The following KHDRBS1 variants were observed in gnomAD, a reference collection of about 807,000 sequenced individuals.
The protein encoded by KHDRBS1 is KH domain-containing, RNA-binding, signal transduction-associated protein 1.
KHDRBS1 carries 7 observed loss-of-function variants against 48.4 expected under a neutral mutation model. The observed-to-expected ratio is 0.14, with a 90% CI of 0.08 to 0.27. The LOEUF is 0.27. Ranked by LOEUF, KHDRBS1 falls within the 10% of genes least tolerant of loss-of-function variation. KHDRBS1 has a pLI of 1.00. For missense variants in KHDRBS1, 458 were observed against 601.2 expected, an observed-to-expected ratio of 0.76 and a Z score of 2.49; for synonymous variants, 241 against 235.8, an observed-to-expected ratio of 1.02 and a Z score of -0.20.
intron 10 of KHDRBS1, among the ~76,000 whole-genome samples, chr1:32,059,119 C>T (rs1639513998): frequency 6.7e-6 from 1 of 149,884 alleles, no homozygotes; most frequent in Non-Finnish European, 1.5e-5. Context: ...TAAGATTATG[C>T]CCCTGCACTC....
At chr1:32,056,585 A>C (rs559472948) in intron 10 of KHDRBS1, among the ~76,000 whole-genome samples, 1 of 152,290 alleles carries the variant, frequency 6.6e-6, no homozygotes, top group South Asian at 2.1e-4. Context: ...TACAGAGCTA[A>C]TTATTCCCAG....
downstream of KHDRBS1, among the ~76,000 whole-genome samples, chr1:32,046,473 C>G (rs1196150799): frequency 1.3e-5 from 2 of 152,134 alleles, no homozygotes; most frequent in Non-Finnish European, 2.9e-5. Context: ...CCTTGGCCTC[C>G]CAAAGTGCTG....
intron 4 of KHDRBS1, among the ~76,000 whole-genome samples, chr1:32,034,645 G>A (rs770849748): frequency 2.6e-5 from 4 of 151,908 alleles, no homozygotes; most frequent in Admixed American, 6.6e-5. Context: ...AAATGTCTTA[G>A]CAGCTGCTTT....
chr1:32,033,193 A>C lies in KHDRBS1; in HGVS notation c.630A>C (p.Glu210Asp). 1 of 1,613,296 alleles carries C rather than the reference A, an allele frequency of 6.2e-7. No homozygotes were observed. Among genetic ancestry groups the C allele is most frequent in the African/African-American group, 1.3e-5 (1 of 75,022 alleles). ...KGSMRDKAKEEELRKGGDPKY... is the reference protein window; with the variant it reads ...KGSMRDKAKEDELRKGGDPKY... ...TTCTCTGCATTTTTCCATAGGAGGA[A>C]GAGCTGCGCAAAGGTGGAGACCCCA... The change falls in exon 4 of 9, where the codon GAA becomes GAC. Residue 210 changes from glutamate (E) to aspartate (D), a missense_variant. Coordinates refer to ENST00000327300, the MANE Select transcript of KHDRBS1 (RefSeq NM_006559.3).
Position 32,014,334 on chromosome 1 carries a change from G to C in KHDRBS1, c.339G>C (p.Ser113=), listed in dbSNP as rs749069575. The C allele has an allele frequency of 1.4e-5, 22 of 1,542,078 alleles. No homozygotes were observed. In the South Asian group the frequency reaches 2.5e-4, roughly 18 times the overall value. Residue 113 remains serine (S), a synonymous_variant, in exon 1 of 9, where the codon TCG becomes TCC. Transcript: ENST00000327300. ...YLPELMAEKD[S]LDPSFTHAMQ... ...CCGAACTCATGGCCGAGAAGGACTC[G>C]CTCGACCCGTCCTTCACTCACGCCA...
Position 32,036,989 on chromosome 1 carries a change from G to A in KHDRBS1, c.851G>A (p.Arg284His), listed in dbSNP as rs375097901. ...GGAGTACCTGAACCCTCTCGTGGAC[G>A]TGGGGTGCCAGTGAGAGGCCGGGGA... ...LNGVPEPSRG[R>H]GVPVRGRGAA... The change falls in exon 5 of 9, where the codon CGT becomes CAT. Residue 284 changes from arginine (R) to histidine (H), a missense_variant. Physicochemically the swap from Arg to His is conservative, Grantham distance 29. Coordinates refer to ENST00000327300, the MANE Select transcript of KHDRBS1 (RefSeq NM_006559.3). 9.3e-6 allele frequency: 15 copies of A among 1,613,960 alleles called. No individual in the cohort carries two copies. The highest frequency in any genetic ancestry group is 6.7e-5 in the African/African-American group (5 of 74,906).
At chr1:32,041,260 A>G (rs192198775) in intron 8 of KHDRBS1, among the ~76,000 whole-genome samples, 48 of 152,284 alleles carry the variant, frequency 3.2e-4, no homozygotes, top group African/African-American at 1.1e-3. Context: ...AGTGATGGAC[A>G]TGTGTGTTAT....
intron 1 of KHDRBS1, among the ~76,000 whole-genome samples, chr1:32,018,846 G>A (rs905687075): frequency 2.0e-5 from 3 of 152,164 alleles, no homozygotes; most frequent in Admixed American, 2.0e-4. Context: ...CAAGGCAGTC[G>A]GATCACTTGA....
Position 32,037,958 on chromosome 1 carries a change from A to G in KHDRBS1, c.1029A>G (p.Pro343=), listed in dbSNP as rs1639215910. The G allele has an allele frequency of 6.2e-7, 1 of 1,614,150 alleles. No individual in the cohort carries two copies. Among genetic ancestry groups the G allele is most frequent in the South Asian group, 1.1e-5 (1 of 91,094 alleles). Residue 343 remains proline, a synonymous_variant, in exon 6 of 9, where the codon CCA becomes CCG. Transcript: ENST00000327300. The stretch of plus-strand genomic sequence containing the variant: ...CCCCACCTACTGTGAGGGGTGCTCC[A>G]GCACCAAGAGCACGGACAGCGGGCA... ...VPPPPTVRGA[P]APRARTAGIQ...
intron 1 of KHDRBS1, among the ~76,000 whole-genome samples, chr1:32,015,868 G>A (rs1638729829): frequency 6.6e-6 from 1 of 152,178 alleles, no homozygotes; most frequent in South Asian, 2.1e-4. Flanking sequence ...TAGAATAGTA[G>A]TATTTAAGCT....
At chr1:32,016,635 G>C (rs1043560469) in intron 1 of KHDRBS1, among the ~76,000 whole-genome samples, 1 of 152,056 alleles carries the variant, frequency 6.6e-6, no homozygotes, top group Non-Finnish European at 1.5e-5. Context: ...GCTCCTCCAG[G>C]CACCTTTGAC....
downstream of KHDRBS1, among the ~76,000 whole-genome samples, chr1:32,044,624 C>T (rs564727310): frequency 6.6e-6 from 1 of 151,892 alleles, no homozygotes; most frequent in Non-Finnish European, 1.5e-5. Flanking sequence ...TTTTAAAACA[C>T]ACCAACAAAA....
At chr1:32,039,385 G>A in intron 7 of KHDRBS1, 130 bp from the exon 8 acceptor site, 1 of 670,412 alleles carries the variant, frequency 1.5e-6, no homozygotes, top group Non-Finnish European at 2.7e-6. Context: ...TTACGGTTTA[G>A]GGATGGGGCA....
chr1:32,038,046 T>G lies in KHDRBS1; in HGVS notation c.1107+10T>G, dbSNP rs1639218199. The G allele has an allele frequency of 1.2e-6, 2 of 1,613,258 alleles. No homozygotes were observed. Among genetic ancestry groups the G allele is most frequent in the South Asian group, 1.1e-5 (1 of 91,088 alleles). On this transcript the variant is annotated intron_variant, in intron 6 of 8. Coordinates refer to ENST00000327300, the MANE Select transcript of KHDRBS1 (RefSeq NM_006559.3). ...AACATATGAAGAATATGTAAGAAAT[T>G]TGAACAATGTGCCATTTCCCAGTAC...
At chr1:32,056,794 C>G (rs1275025650) in intron 10 of KHDRBS1, among the ~76,000 whole-genome samples, 1 of 152,192 alleles carries the variant, frequency 6.6e-6, no homozygotes, top group Non-Finnish European at 1.5e-5. Flanking sequence ...GTACAAATGT[C>G]TCCTTTCATT....
chr1:32,014,447 C>T (rs1638693897), intron 1 of KHDRBS1, 70 bp downstream of exon 1: 3 of 1,254,960 alleles, frequency 2.4e-6, no homozygotes, highest in African/African-American at 1.6e-5. Flanking sequence ...GGCTTTGTTC[C>T]TCTCGCTTCC....
At position 32,014,061 on chromosome 1, in the gene KHDRBS1, C is replaced by T. The variant is rs936777260; in HGVS notation, c.66C>T (p.Asp22=). The stretch of plus-strand genomic sequence containing the variant: ...CTTCGGGCCGTAGCGGCTCCATGGA[C>T]CCCTCCGGTGCCCACCCCTCGGTGC... The part of the protein sequence containing the change: ...SRSSGRSGSM[D]PSGAHPSVRQ... The change falls in exon 1 of 9, where the codon GAC becomes GAT. Residue 22 remains aspartate, a synonymous_variant. Coordinates refer to ENST00000327300, the MANE Select transcript of KHDRBS1 (RefSeq NM_006559.3). 10 of 1,506,682 alleles carry T rather than the reference C, an allele frequency of 6.6e-6. No homozygotes were observed. The highest frequency in any genetic ancestry group is 2.1e-5 in the Admixed American group (1 of 46,712). 93.3% of individuals were successfully genotyped at this position (1,506,682 alleles called of 1,614,324 possible). A position where few individuals can be genotyped will look rare whatever the true frequency, so the allele number is the denominator to read the frequency against.
intron 1 of KHDRBS1, among the ~76,000 whole-genome samples, chr1:32,021,651 A>G (rs780412764): frequency 2.6e-5 from 4 of 151,940 alleles, no homozygotes; most frequent in South Asian, 4.1e-4. Context: ...GGTTCTCACT[A>G]TGTCACTCAG....
In KHDRBS1 at chr1:32,020,576, A is replaced by G. The variant is rs553114423; in HGVS notation, c.382+6199A>G. The stretch of plus-strand genomic sequence containing the variant: ...ACTGGAAACAAACCAAATGCCTCCA[A>G]TAAACTGGCACACCCATACAGTGGA... On this transcript the variant is annotated intron_variant, in intron 1 of 8. Coordinates refer to ENST00000327300, the MANE Select transcript of KHDRBS1 (RefSeq NM_006559.3). 3.3e-5 allele frequency among the ~76,000 whole-genome samples: 5 copies of G among 152,174 alleles called. No individual in the cohort carries two copies. The South Asian group carries it at 6.2e-4, about 19-fold the overall frequency.
Sources: allele counts gnomAD v4.1 joint callset (sites outside exome capture counted in the v4.1 genomes callset), GRCh38; gene constraint gnomAD v4.1.1; transcripts MANE v1.5; gene names NCBI Gene and HGNC (gene_info 2026-07-23, HGNC 2026-07-21).